Variants in ZFHX3 observed in about 807,000 individuals in gnomAD.
ZFHX3 encodes the protein zinc finger homeobox protein 3.
A neutral mutation model predicts 279.1 loss-of-function variants in ZFHX3; 42 were observed. The observed-to-expected ratio is 0.15, with a 90% CI of 0.12 to 0.19. The LOEUF (loss-of-function observed/expected upper bound fraction) is 0.19. Ranked by LOEUF, ZFHX3 falls within the 10% of genes least tolerant of loss-of-function variation. ZFHX3 has a pLI of 1.00. For synonymous variants in ZFHX3, 2,293 were observed against 1,957.8 expected (o/e 1.17, Z -4.52); for missense variants, 4,981 against 4,754.0 (o/e 1.05, Z -1.40).
At chr16:73,488,535 C>T (rs2019010952) in intron 2 of ZFHX3, among the ~76,000 whole-genome samples, 1 of 152,154 alleles carries the variant, frequency 6.6e-6, no homozygotes, top group Admixed American at 6.5e-5. Context: ...ACTGGCAGAT[C>T]TCAATGGCTG....
intron 1 of ZFHX3, among the ~76,000 whole-genome samples, chr16:73,865,988 CAAAACAAAACAAAACAAAAT>C (rs1359858755): frequency 6.6e-6 from 1 of 151,534 alleles, no homozygotes; most frequent in Non-Finnish European, 1.5e-5. Context: ...CCGTCTCAAA[CAAAACAAAACAAAACAAAAT>C]AAAACAAAAC....
At chr16:73,799,590 C>T (rs970409521) in intron 1 of ZFHX3, among the ~76,000 whole-genome samples, 1 of 152,196 alleles carries the variant, frequency 6.6e-6, no homozygotes, top group African/African-American at 2.4e-5. Context: ...AGACTCCACA[C>T]TGAGGTTCCC....
intron 4 of ZFHX3, among the ~76,000 whole-genome samples, chr16:73,271,726 G>A (rs997134782): frequency 1.3e-5 from 2 of 152,176 alleles, no homozygotes; most frequent in African/African-American, 4.8e-5. Context: ...GAGGAATTAT[G>A]TCCTGGCTGA....
chr16:73,880,592 A>G (rs1374221094), intron 1 of ZFHX3, among the ~76,000 whole-genome samples: 1 of 152,138 alleles, frequency 6.6e-6, no homozygotes, highest in Non-Finnish European at 1.5e-5. Flanking sequence ...ATTGTAGTGA[A>G]GTTCAGGCTT....
At chr16:73,727,081 C>A (rs1396776244) in intron 1 of ZFHX3, among the ~76,000 whole-genome samples, 1 of 152,174 alleles carries the variant, frequency 6.6e-6, no homozygotes, top group Non-Finnish European at 1.5e-5. Context: ...GGACTAGGGG[C>A]CTCCACAGGG....
intron 3 of ZFHX3, among the ~76,000 whole-genome samples, chr16:73,334,206 G>C (rs907109154): frequency 1.2e-4 from 18 of 152,198 alleles, no homozygotes; most frequent in African/African-American, 4.1e-4. Context: ...GGCCACGGAG[G>C]GTCACCAGCT....
intron 1 of ZFHX3, among the ~76,000 whole-genome samples, chr16:72,979,097 C>T (rs1385379216): frequency 1.3e-5 from 2 of 152,176 alleles, no homozygotes; most frequent in Admixed American, 6.5e-5. Flanking sequence ...AGAGCTCACA[C>T]CTGAGTCCTA....
chr16:73,654,725 TAA>T (rs1235841172), intron 2 of ZFHX3, among the ~76,000 whole-genome samples: 1 of 151,514 alleles, frequency 6.6e-6, no homozygotes, highest in Non-Finnish European at 1.5e-5. Flanking sequence ...ATTATTTCAA[TAA>T]GAGGCAAAAA....
intron 1 of ZFHX3, among the ~76,000 whole-genome samples, chr16:73,867,027 A>T (rs143167726): frequency 2.0e-5 from 3 of 151,978 alleles, no homozygotes; most frequent in Non-Finnish European, 4.4e-5. Context: ...GGGCTGGGCT[A>T]TGTCCTTGGC....
At chr16:73,463,421 A>G (rs556355199) in intron 2 of ZFHX3, among the ~76,000 whole-genome samples, 91 of 152,252 alleles carry the variant, frequency 6.0e-4, no homozygotes, top group Middle Eastern at 3.4e-3. Flanking sequence ...CTTGACCTCT[A>G]ATTTCTCTCA....
chr16:73,782,702 G>A (rs1387573690), intron 1 of ZFHX3, among the ~76,000 whole-genome samples: 1 of 152,112 alleles, frequency 6.6e-6, no homozygotes, highest in African/African-American at 2.4e-5. Context: ...TTAAAAGTTG[G>A]CGCATGACCC....
intron 1 of ZFHX3, among the ~76,000 whole-genome samples, chr16:73,803,054 G>A (rs1960184315): frequency 6.6e-6 from 1 of 152,170 alleles, no homozygotes; most frequent in African/African-American, 2.4e-5. Flanking sequence ...GCCCGCCTCA[G>A]CCTCCCAAAG....
chr16:73,685,374 T>C (rs919313424), intron 1 of ZFHX3, among the ~76,000 whole-genome samples: 2 of 152,146 alleles, frequency 1.3e-5, no homozygotes, highest in Non-Finnish European at 2.9e-5. Flanking sequence ...AGAGTTGGAA[T>C]CATGATGAAG....
chr16:73,867,609 T>G (rs1417209260), intron 1 of ZFHX3, among the ~76,000 whole-genome samples: 1 of 152,206 alleles, frequency 6.6e-6, no homozygotes, highest in African/African-American at 2.4e-5. Flanking sequence ...TTTATACTAA[T>G]CCTCATGGTA....
intron 2 of ZFHX3, among the ~76,000 whole-genome samples, chr16:72,956,828 A>G (rs888512075): frequency 2.9e-4 from 19 of 65,506 alleles, no homozygotes; most frequent in African/African-American, 1.0e-3. Context: ...CATCAAAAAT[A>G]AGCAAAAAAA....
intron 2 of ZFHX3, among the ~76,000 whole-genome samples, chr16:73,473,235 G>A (rs1349684765): frequency 6.6e-6 from 1 of 150,808 alleles, no homozygotes; most frequent in East Asian, 2.0e-4. Context: ...TACTCAGGAT[G>A]CTGAGGTGGG....
At position 73,703,505 on chromosome 16, in the gene ZFHX3, T is replaced by C. The variant is rs191766220; in HGVS notation, c.-1607-23265A>G. Among the ~76,000 whole-genome samples, 51 of 150,572 alleles carry C rather than the reference T, an allele frequency of 3.4e-4. No individual in the cohort carries two copies. In the East Asian group the frequency reaches 9.4e-3, roughly 28 times the overall value. On this transcript the variant is annotated intron_variant, in intron 1 of 17. Transcript: ENST00000641206. ...GCAAGAGAAAGCCAAAAAAAAAAAA[T>C]TGATGTGGGAAGGGGAAGGTTTATA...
At chr16:73,394,897 G>A (rs1436608181) in intron 3 of ZFHX3, among the ~76,000 whole-genome samples, 1 of 152,144 alleles carries the variant, frequency 6.6e-6, no homozygotes, top group African/African-American at 2.4e-5. Context: ...GCCCAGAAGG[G>A]TAAAGACATT....
At chr16:73,638,552 T>G (rs2052547413) in intron 2 of ZFHX3, among the ~76,000 whole-genome samples, 1 of 152,222 alleles carries the variant, frequency 6.6e-6, no homozygotes, top group African/African-American at 2.4e-5. Context: ...TAGCATGTTA[T>G]CATCCTTTGA....
Sources: gnomAD v4.1 joint callset for allele counts (sites outside exome capture counted in the v4.1 genomes callset) on GRCh38, gnomAD v4.1.1 for gene constraint, MANE v1.5 for transcripts, NCBI Gene and HGNC (gene_info 2026-07-23, HGNC 2026-07-21) for gene names.